LDLRAD4: variants seen among roughly 807,000 people sequenced by gnomAD.
LDLRAD4 encodes low-density lipoprotein receptor class A domain-containing protein 4.
LDLRAD4 carries 5 observed loss-of-function variants against 17.0 expected under a neutral mutation model. The observed-to-expected ratio is 0.29, with a 90% confidence interval of 0.15 to 0.62. LDLRAD4 has a LOEUF of 0.62. Ranked by LOEUF, LDLRAD4 falls within the 20% of genes least tolerant of loss-of-function variation. LDLRAD4 has a pLI of 0.84. For synonymous variants in LDLRAD4, 168 were observed against 171.8 expected, an observed-to-expected ratio of 0.98 and a Z score of 0.17; for missense variants, 340 against 424.7, an observed-to-expected ratio of 0.80 and a Z score of 1.75.
At chr18:13,546,822 C>T (rs755772011) in intron 3 of LDLRAD4, among the ~76,000 whole-genome samples, 50 of 152,140 alleles carry the variant, frequency 3.3e-4, no homozygotes, top group Non-Finnish European at 6.0e-4. Context: ...AGGGGCTTGC[C>T]AGATGATGAA....
intron 1 of LDLRAD4, among the ~76,000 whole-genome samples, chr18:13,375,463 G>A (rs2084836177): frequency 6.6e-6 from 1 of 152,212 alleles, no homozygotes; most frequent in Non-Finnish European, 1.5e-5. Flanking sequence ...GAATCCCTGT[G>A]GCTCGGCAGT....
intron 4 of LDLRAD4, among the ~76,000 whole-genome samples, chr18:13,636,980 TAG>T (rs1307995074): frequency 6.6e-6 from 1 of 152,004 alleles, no homozygotes; most frequent in Admixed American, 6.6e-5. Context: ...GTATTTTCAA[TAG>T]AGTCAGAGTT....
chr18:13,272,117 A>C (rs1333136304), intron 1 of LDLRAD4, among the ~76,000 whole-genome samples: 2 of 151,866 alleles, frequency 1.3e-5, no homozygotes, highest in Non-Finnish European at 2.9e-5. Context: ...GATGGTCTCG[A>C]TCTCTTGACC....
chr18:13,429,479 C>T (rs1036592579), intron 2 of LDLRAD4, among the ~76,000 whole-genome samples: 1 of 152,180 alleles, frequency 6.6e-6, no homozygotes, highest in African/African-American at 2.4e-5. Flanking sequence ...TCAAAATGTC[C>T]AGAATTCAGG....
chr18:13,464,629 C>T (rs2092553858), intron 3 of LDLRAD4, among the ~76,000 whole-genome samples: 1 of 152,022 alleles, frequency 6.6e-6, no homozygotes, highest in Non-Finnish European at 1.5e-5. Context: ...CACCGTGTGT[C>T]TAGAACCTTC....
chr18:13,428,955 A>G (rs2090136850), intron 2 of LDLRAD4, among the ~76,000 whole-genome samples: 1 of 152,176 alleles, frequency 6.6e-6, no homozygotes, highest in Non-Finnish European at 1.5e-5. Context: ...TGGAAAGGTC[A>G]GGGATAAATG....
At chr18:13,303,702 C>A (rs1418406752) in intron 1 of LDLRAD4, among the ~76,000 whole-genome samples, 2 of 152,078 alleles carry the variant, frequency 1.3e-5, no homozygotes, top group African/African-American at 4.8e-5. Context: ...AATGAATCCC[C>A]CTCCTCCTCA....
chr18:13,342,089 T>C (rs2082402233), intron 1 of LDLRAD4, among the ~76,000 whole-genome samples: 1 of 152,172 alleles, frequency 6.6e-6, no homozygotes, highest in Non-Finnish European at 1.5e-5. Context: ...AAATTTCCCT[T>C]GATCGTATTG....
At chr18:13,271,480 C>T (rs916701627) in intron 1 of LDLRAD4, among the ~76,000 whole-genome samples, 4 of 152,100 alleles carry the variant, frequency 2.6e-5, no homozygotes, top group Non-Finnish European at 4.4e-5. Context: ...TTGAGTCTGC[C>T]GAAGGAGATC....
intron 3 of LDLRAD4, chr18:13,514,593 T>C (rs926302180): frequency 3.3e-5 from 5 of 152,246 alleles, no homozygotes; most frequent in African/African-American, 9.6e-5. Context: ...GGGGACTACT[T>C]GTTAACACTG....
At chr18:13,576,906 G>C (rs2094782119) in intron 3 of LDLRAD4, among the ~76,000 whole-genome samples, 1 of 152,244 alleles carries the variant, frequency 6.6e-6, no homozygotes, top group South Asian at 2.1e-4. Flanking sequence ...GGGAGGACCT[G>C]GCTTTGAAAG....
intron 1 of LDLRAD4, among the ~76,000 whole-genome samples, chr18:13,229,728 C>T (rs1007253388): frequency 1.3e-5 from 2 of 152,226 alleles, no homozygotes; most frequent in East Asian, 1.9e-4. Context: ...TCCTTCTACT[C>T]TTTCCTCCTG....
chr18:13,646,127 T>C (rs2043007313), exon 6 of LDLRAD4: 1 of 153,266 alleles, frequency 6.5e-6, no homozygotes, highest in Admixed American at 6.5e-5. Flanking sequence ...ACTTTTATTT[T>C]GTTTTAAAAA....
In LDLRAD4 at chr18:13,289,725, C is replaced by T. The variant is rs373095037; in HGVS notation, c.-383+11537C>T. Among the ~76,000 whole-genome samples, 57 of 152,240 alleles carry T rather than the reference C, an allele frequency of 3.7e-4. No homozygotes were observed. In the East Asian group the frequency reaches 0.01, roughly 28 times the overall value. ...TCCAGTCCTGAGCCATTGGGACTGCCGTGGAGAGATGGGAGGTGGAGAGAA... is the reference window on the plus strand; with the variant it reads ...TCCAGTCCTGAGCCATTGGGACTGCTGTGGAGAGATGGGAGGTGGAGAGAA... On this transcript the variant is annotated intron_variant, in intron 1 of 5. Coordinates refer to ENST00000359446, the Ensembl canonical transcript of LDLRAD4.
chr18:13,439,337 G>A (rs2090873535), intron 3 of LDLRAD4, among the ~76,000 whole-genome samples: 1 of 152,152 alleles, frequency 6.6e-6, no homozygotes, highest in Non-Finnish European at 1.5e-5. Context: ...TATATGGGGG[G>A]CAAGTTACGT....
At chr18:13,576,997 G>T (rs367591024) in intron 3 of LDLRAD4, among the ~76,000 whole-genome samples, 2 of 152,196 alleles carry the variant, frequency 1.3e-5, no homozygotes, top group African/African-American at 2.4e-5. Flanking sequence ...ATATGATCAG[G>T]TGTCTTGACC....
intron 3 of LDLRAD4, among the ~76,000 whole-genome samples, chr18:13,607,840 T>C (rs2095239688): frequency 6.6e-6 from 1 of 152,248 alleles, no homozygotes; most frequent in Non-Finnish European, 1.5e-5. Context: ...TTACCTGGTC[T>C]ATCACTGATG....
chr18:13,364,133 A>G (rs1387385952), intron 1 of LDLRAD4, among the ~76,000 whole-genome samples: 1 of 152,214 alleles, frequency 6.6e-6, no homozygotes, highest in East Asian at 1.9e-4. Context: ...CTGTAACATG[A>G]TACCGTTTTT....
chr18:13,520,375 T>C (rs574861303), intron 3 of LDLRAD4: 3 of 152,316 alleles, frequency 2.0e-5, no homozygotes, highest in Non-Finnish European at 4.4e-5. Flanking sequence ...TCCTAAATTG[T>C]ACTTTACATA....
Sources: gnomAD v4.1 joint callset for allele counts (sites outside exome capture counted in the v4.1 genomes callset) on GRCh38, gnomAD v4.1.1 for gene constraint, MANE v1.5 for transcripts, NCBI Gene and HGNC (gene_info 2026-07-23, HGNC 2026-07-21) for gene names.